Variants in ADAMTS2 observed in about 807,000 individuals in gnomAD.
The protein encoded by ADAMTS2 is A disintegrin and metalloproteinase with thrombospondin motifs 2.
Under a neutral mutation model 123.0 loss-of-function variants are expected in ADAMTS2, and 50 were observed. That is an observed-to-expected ratio of 0.41 (90% CI 0.32 to 0.51). The LOEUF (loss-of-function observed/expected upper bound fraction) is 0.51, where lower values mean the gene tolerates loss of function less well. ADAMTS2 is among the 20% of genes least tolerant of loss of function. The probability of loss-of-function intolerance (pLI) is 0.35; values close to 1 mark genes in which losing one functional copy is unlikely to be tolerated. For missense variants in ADAMTS2, 1,494 were observed against 1,705.2 expected, an observed-to-expected ratio of 0.88 and a Z score of 2.18; for synonymous variants, 678 against 695.4, an observed-to-expected ratio of 0.98 and a Z score of 0.39.
In ADAMTS2 at chr5:179,206,283, T is replaced by C. The variant is rs546735447; in HGVS notation, c.891+1230A>G. Among the ~76,000 whole-genome samples, 337 of 152,198 alleles carry C rather than the reference T, an allele frequency of 2.2e-3. 1 individual carries two copies. The highest frequency in any genetic ancestry group is 2.7e-3 in the South Asian group (13 of 4,822). ...CAGTGTTCAGCTCACTCACATCCCCTCCTGCCCCTGAGGTATCTTTTCACC... is the reference window on the plus strand; with the variant it reads ...CAGTGTTCAGCTCACTCACATCCCCCCCTGCCCCTGAGGTATCTTTTCACC... On this transcript the variant is annotated intron_variant, in intron 4 of 21. Coordinates refer to ENST00000251582, the MANE Select transcript of ADAMTS2 (RefSeq NM_014244.5).
Position 179,345,273 on chromosome 5 carries a change from A to G in ADAMTS2, c.56T>C (p.Leu19Pro), listed in dbSNP as rs1337756017. The change falls in exon 1 of 22, where the codon CTG becomes CCG. Residue 19 changes from leucine to proline, a missense_variant. Transcript: ENST00000251582. This position sits in a 1 kb window ranked among gnomAD's most constrained non-coding sequence, Gnocchi z 7.5. Reference sequence around the variant, plus strand: ...GAGCGGCGGCGGCAGCAGCAGCAGCAGCAGCAGCAGCGCGGGGCAGAGCAG... The same window carrying G: ...GAGCGGCGGCGGCAGCAGCAGCAGCGGCAGCAGCAGCGCGGGGCAGAGCAG... ...RRLLCPALLL[L>P]LLLLPPPLLP... The G allele has an allele frequency of 1.6e-5, 18 of 1,150,622 alleles. No homozygotes were observed. Among genetic ancestry groups the G allele is most frequent in the Non-Finnish European group, 1.9e-5 (18 of 938,690 alleles). The allele number at this position is 1,150,622 out of a possible 1,614,324, so 71.3% of individuals were successfully genotyped here.
rs1412798046 is a variant in ADAMTS2, at chr5:179,242,380, T to C, written c.688+30531A>G. Reference sequence around the variant, plus strand: ...TATCCAGTGTCTTCTACCTTCCTTATTGCTGTGGCCCTTTAAAAAAAGATT... The same window carrying C: ...TATCCAGTGTCTTCTACCTTCCTTACTGCTGTGGCCCTTTAAAAAAAGATT... On this transcript the variant is annotated intron_variant, in intron 3 of 21. Coordinates refer to ENST00000251582, the MANE Select transcript of ADAMTS2 (RefSeq NM_014244.5). This position sits in a 1 kb window ranked among gnomAD's most constrained non-coding sequence, Gnocchi z 4.2. Among the ~76,000 whole-genome samples, 1 of 152,138 alleles carries C rather than the reference T, an allele frequency of 6.6e-6. No homozygotes were observed. Among genetic ancestry groups the C allele is most frequent in the African/African-American group, 2.4e-5 (1 of 41,410 alleles).
intron 5 of ADAMTS2, among the ~76,000 whole-genome samples, chr5:179,177,758 G>A (rs970594825): frequency 6.7e-6 from 1 of 149,756 alleles, no homozygotes; most frequent in Non-Finnish European, 1.5e-5. Flanking sequence ...GGCAGTTAAG[G>A]AAAAAAAAAG....
chr5:179,268,096 A>G (rs1766422869), intron 3 of ADAMTS2, among the ~76,000 whole-genome samples: 1 of 152,170 alleles, frequency 6.6e-6, no homozygotes, highest in South Asian at 2.1e-4. Context: ...GTTCACATAA[A>G]AAGTCTGATG....
chr5:179,329,171 C>A (rs1211219987), intron 2 of ADAMTS2, among the ~76,000 whole-genome samples: 1 of 151,932 alleles, frequency 6.6e-6, no homozygotes, highest in Non-Finnish European at 1.5e-5. Context: ...ACTAAAAATA[C>A]AAAAAATTAG....
At chr5:179,330,321 A>C (rs1412189855) in intron 2 of ADAMTS2, among the ~76,000 whole-genome samples, 1 of 151,924 alleles carries the variant, frequency 6.6e-6, no homozygotes, top group Non-Finnish European at 1.5e-5. Context: ...GGACAGGCTG[A>C]CACCAAGACA....
intron 3 of ADAMTS2, among the ~76,000 whole-genome samples, chr5:179,241,860 G>C (rs1305776469): frequency 2.0e-5 from 3 of 152,184 alleles, no homozygotes; most frequent in Admixed American, 2.0e-4. Context: ...GGGCAAGTGG[G>C]GGACCATCTT....
At chr5:179,284,814 T>C (rs949967105) in intron 2 of ADAMTS2, among the ~76,000 whole-genome samples, 3 of 152,188 alleles carry the variant, frequency 2.0e-5, no homozygotes, top group African/African-American at 7.2e-5. Flanking sequence ...CCATGACATA[T>C]TGGTGACCGA....
chr5:179,265,607 G>C (rs760864121), intron 3 of ADAMTS2, among the ~76,000 whole-genome samples: 1 of 152,198 alleles, frequency 6.6e-6, no homozygotes, highest in Non-Finnish European at 1.5e-5. Flanking sequence ...AGCCAGGCCC[G>C]GGAGCTGGCC....
At chr5:179,282,175 T>A (rs149841463) in intron 2 of ADAMTS2, among the ~76,000 whole-genome samples, 84 of 152,358 alleles carry the variant, frequency 5.5e-4, no homozygotes, top group African/African-American at 1.9e-3. Flanking sequence ...TTTTCTTTTG[T>A]CCACTTGTGC....
Position 179,114,139 on chromosome 5 carries a change from T to C in ADAMTS2, c.3364A>G (p.Thr1122Ala). The change falls in exon 22 of 22, where the codon ACC (threonine) becomes GCC (alanine). Residue 1122 changes from threonine to alanine, a missense_variant. Thr to Ala is a moderately conservative substitution (Grantham distance 58). Transcript: ENST00000251582. ...KHNDIDVFMP[T>A]LPVPTVAMEV... ...ATGGCTACAGTGGGCACTGGGAGGG[T>C]AGGCATGAACACGTCAATGTCGTTG... 1.2e-6 allele frequency: 2 copies of C among 1,613,728 alleles called. No homozygotes were observed. The highest frequency in any genetic ancestry group is 1.7e-6 in the Non-Finnish European group (2 of 1,179,850).
intron 5 of ADAMTS2, among the ~76,000 whole-genome samples, chr5:179,171,474 C>G (rs1350495355): frequency 6.6e-6 from 1 of 152,252 alleles, no homozygotes; most frequent in Non-Finnish European, 1.5e-5. Context: ...CAACCTAAAG[C>G]AACGAGGACT....
At chr5:179,305,953 C>A (rs1024948083) in intron 2 of ADAMTS2, among the ~76,000 whole-genome samples, 1 of 152,060 alleles carries the variant, frequency 6.6e-6, no homozygotes, top group Non-Finnish European at 1.5e-5. Context: ...ATAAAAAGTT[C>A]TGTAACTATT....
chr5:179,318,271 C>T (rs1757056828), intron 2 of ADAMTS2, among the ~76,000 whole-genome samples: 1 of 152,270 alleles, frequency 6.6e-6, no homozygotes, highest in South Asian at 2.1e-4. Flanking sequence ...CTCTGAAGAA[C>T]TGCGATGCGA....
In ADAMTS2 at chr5:179,256,621, G is replaced by A. The variant is rs1232972818; in HGVS notation, c.688+16290C>T. On this transcript the variant is annotated intron_variant, in intron 3 of 21. Coordinates refer to ENST00000251582, the MANE Select transcript of ADAMTS2 (RefSeq NM_014244.5). The surrounding 1 kb of genome is among the most constrained non-coding windows in gnomAD (Gnocchi z 4.1). ...AGTCTCACACTCCACTGCAAACCAGGCAGGCGGGGCCAGCATGAGTGGGGG... is the reference window on the plus strand; with the variant it reads ...AGTCTCACACTCCACTGCAAACCAGACAGGCGGGGCCAGCATGAGTGGGGG... Among the ~76,000 whole-genome samples the A allele has an allele frequency of 1.3e-5, 2 of 152,176 alleles. No homozygotes were observed. Among genetic ancestry groups the A allele is most frequent in the African/African-American group, 4.8e-5 (2 of 41,418 alleles).
At chr5:179,133,853 C>T (rs1422467262) in intron 13 of ADAMTS2, among the ~76,000 whole-genome samples, 2 of 151,236 alleles carry the variant, frequency 1.3e-5, no homozygotes, top group Non-Finnish European at 2.9e-5. Flanking sequence ...CGAGTCGCTG[C>T]CTGTAGTCCC....
At chr5:179,210,584 G>A (rs2113382404) in intron 3 of ADAMTS2, among the ~76,000 whole-genome samples, 1 of 152,360 alleles carries the variant, frequency 6.6e-6, no homozygotes, top group African/African-American at 2.4e-5. Context: ...AAGGCAAAGT[G>A]GGTGAGGAGA....
At chr5:179,239,007 G>A (rs569835202) in intron 3 of ADAMTS2, among the ~76,000 whole-genome samples, 5 of 152,218 alleles carry the variant, frequency 3.3e-5, no homozygotes, top group African/African-American at 1.2e-4. Flanking sequence ...GCTAAGGGGT[G>A]TGGGGTCTTT....
chr5:179,306,523 T>C (rs1337016449), intron 2 of ADAMTS2, among the ~76,000 whole-genome samples: 2 of 152,082 alleles, frequency 1.3e-5, no homozygotes, highest in African/African-American at 2.4e-5. Flanking sequence ...TGAGAAACTG[T>C]TTTCCCCTAA....
Sources: gnomAD v4.1 joint callset for allele counts (sites outside exome capture counted in the v4.1 genomes callset) on GRCh38, gnomAD v4.1.1 for gene constraint, Gnocchi (gnomAD v3.1) non-coding constraint, MANE v1.5 for transcripts, NCBI Gene and HGNC (gene_info 2026-07-23, HGNC 2026-07-21) for gene names.